Variants in DYRK2 observed in about 807,000 individuals in gnomAD.
DYRK2 encodes dual specificity tyrosine-phosphorylation-regulated kinase 2.
DYRK2 carries 12 observed loss-of-function variants against 41.6 expected under a neutral mutation model. The ratio of observed to expected loss-of-function variants is 0.29; its 90% CI spans 0.18 to 0.47. The LOEUF (loss-of-function observed/expected upper bound fraction) is 0.47. Among genes scored for constraint, DYRK2 ranks in the 20% least tolerant of loss-of-function variants. DYRK2 has a pLI of 1.00. For synonymous variants in DYRK2, 322 were observed against 315.7 expected (o/e 1.02, Z -0.21); for missense variants, 678 against 798.4 (o/e 0.85, Z 1.82).
chr12:67,655,566 G>A (rs570347624), intron 2 of DYRK2, among the ~76,000 whole-genome samples: 2 of 152,294 alleles, frequency 1.3e-5, no homozygotes, highest in Non-Finnish European at 2.9e-5. Flanking sequence ...TCATCTATGA[G>A]TGTGATAAAA....
intron 2 of DYRK2, 114 bp downstream of exon 2, chr12:67,650,059 G>A: frequency 1.8e-6 from 2 of 1,111,816 alleles, no homozygotes; most frequent in Admixed American, 4.3e-5. Context: ...GATACAAGCA[G>A]CCCCACGCCT....
Position 67,662,429 on chromosome 12 carries a change from T to G in DYRK2, c.*3716T>G, listed in dbSNP as rs971079556. The G allele has an allele frequency of 6.0e-6, 1 of 166,802 alleles. No individual in the cohort carries two copies. Among genetic ancestry groups the G allele is most frequent in the African/African-American group, 2.4e-5 (1 of 41,416 alleles). The allele number at this position is 166,802 out of a possible 1,614,324, so 10.3% of individuals were successfully genotyped here. On this transcript the variant is annotated 3_prime_UTR_variant, in exon 3 of 3. Coordinates refer to ENST00000344096, the MANE Select transcript of DYRK2 (RefSeq NM_006482.3). ...TGCAACTGTGTGTACTGAAAATATGTGAAAATGGTTGAATGTGGACTGTGT... is the reference window on the plus strand; with the variant it reads ...TGCAACTGTGTGTACTGAAAATATGGGAAAATGGTTGAATGTGGACTGTGT...
At chr12:67,650,368 GC>G (rs1872284624) in intron 2 of DYRK2, among the ~76,000 whole-genome samples, 1 of 152,210 alleles carries the variant, frequency 6.6e-6, no homozygotes, top group African/African-American at 2.4e-5. Context: ...AGACCGGCCT[GC>G]CCGGAAAATC....
chr12:67,649,174 A>C lies in DYRK2; in HGVS notation c.41A>C (p.Tyr14Ser), dbSNP rs767310972. ...RKPSAAAPAAYPTGRGGDSAV... is the reference protein window; with the variant it reads ...RKPSAAAPAASPTGRGGDSAV... ...CCTTCGGCCGCCGCTCCCGCCGCCTACCCGACCGGTAAGGAGGCCGTGCCG... is the reference window on the plus strand; with the variant it reads ...CCTTCGGCCGCCGCTCCCGCCGCCTCCCCGACCGGTAAGGAGGCCGTGCCG... The change falls in exon 1 of 3, where the codon TAC becomes TCC. Residue 14 changes from tyrosine to serine, a missense_variant. Tyr to Ser is a moderately radical substitution (Grantham distance 144). Coordinates refer to ENST00000344096, the MANE Select transcript of DYRK2 (RefSeq NM_006482.3). 1.3e-6 allele frequency: 2 copies of C among 1,510,330 alleles called. No individual in the cohort carries two copies. The highest frequency in any genetic ancestry group is 2.5e-5 in the South Asian group (2 of 81,526). 93.6% of individuals were successfully genotyped at this position (1,510,330 alleles called of 1,614,324 possible). A position where few individuals can be genotyped will look rare whatever the true frequency, so the allele number is the denominator to read the frequency against.
In DYRK2 at chr12:67,658,413, G is replaced by C; in HGVS notation, c.1506G>C (p.Gly502=). Residue 502 remains glycine (G), a synonymous_variant, in exon 3 of 3, where the codon GGG becomes GGC. Coordinates refer to ENST00000344096, the MANE Select transcript of DYRK2 (RefSeq NM_006482.3). The surrounding 1 kb of genome is among the most constrained non-coding windows in gnomAD (Gnocchi z 4.3). The part of the protein sequence containing the change: ...ESREWGNALK[G]CDDPLFLDFL... ...GAGAGTGGGGGAACGCGCTGAAGGG[G>C]TGTGATGATCCCCTTTTCCTTGACT... The C allele has an allele frequency of 1.9e-6, 3 of 1,595,436 alleles. No homozygotes were observed. The highest frequency in any genetic ancestry group is 2.3e-5 in the South Asian group (2 of 87,790).
At position 67,664,322 on chromosome 12, in the gene DYRK2, A is replaced by G. The variant is rs1228327326; in HGVS notation, c.*5609A>G. On this transcript the variant is annotated 3_prime_UTR_variant, in exon 3 of 3. Coordinates refer to ENST00000344096, the MANE Select transcript of DYRK2 (RefSeq NM_006482.3). The stretch of plus-strand genomic sequence containing the variant: ...CTCAAGGAAGCTTAATGAGGAAACT[A>G]ATGAGTTAATATTAACTCTTCTGAA... The G allele has an allele frequency of 6.6e-6, 1 of 152,106 alleles. No homozygotes were observed. The highest frequency in any genetic ancestry group is 1.5e-5 in the Non-Finnish European group (1 of 67,984). The allele number at this position is 152,106 out of a possible 1,614,324, so 9.4% of individuals were successfully genotyped here.
intron 2 of DYRK2, chr12:67,651,722 A>C: frequency 2.3e-6 from 1 of 433,872 alleles, no homozygotes; most frequent in Non-Finnish European, 4.6e-6. Context: ...AGCAGATTTC[A>C]TAGTACAGGA....
At chr12:67,652,986 T>C (rs1377746627) in intron 2 of DYRK2, among the ~76,000 whole-genome samples, 6 of 151,550 alleles carry the variant, frequency 4.0e-5, no homozygotes, top group African/African-American at 1.2e-4. Context: ...CCCGCCACCA[T>C]GCCTGGCTAA....
At chr12:67,656,733 G>T (rs569764052) in intron 2 of DYRK2, among the ~76,000 whole-genome samples, 1 of 152,164 alleles carries the variant, frequency 6.6e-6, no homozygotes, top group Non-Finnish European at 1.5e-5. Flanking sequence ...TGATCTGGGG[G>T]TGGAGGAGCC....
chr12:67,658,082 A>G lies in DYRK2; in HGVS notation c.1175A>G (p.Glu392Gly). Reference protein sequence around the residue: ...YIQSRFYRAPEVILGARYGMP... With the variant: ...YIQSRFYRAPGVILGARYGMP... ...CAGTCGCGTTTTTACCGGGCTCCAG[A>G]AGTGATCCTTGGGGCCAGGTATGGC... Residue 392 changes from glutamate (E) to glycine (G), a missense_variant, in exon 3 of 3, where the codon GAA becomes GGA. Coordinates refer to ENST00000344096, the MANE Select transcript of DYRK2 (RefSeq NM_006482.3). This position sits in a 1 kb window ranked among gnomAD's most constrained non-coding sequence, Gnocchi z 4.3. 1 of 1,614,234 alleles carries G rather than the reference A, an allele frequency of 6.2e-7. No individual in the cohort carries two copies.
rs909025168 is a variant in DYRK2 at position 67,663,833 on chromosome 12, A to G, written c.*5120A>G. 5 of 152,174 alleles carry G rather than the reference A, an allele frequency of 3.3e-5. No homozygotes were observed. The highest frequency in any genetic ancestry group is 7.2e-5 in the African/African-American group (3 of 41,452). 9.4% of individuals were successfully genotyped at this position (152,174 alleles called of 1,614,324 possible). On this transcript the variant is annotated 3_prime_UTR_variant, in exon 3 of 3. Coordinates refer to ENST00000344096, the MANE Select transcript of DYRK2 (RefSeq NM_006482.3). ...ATTCTGTTTGAGTCTCTACAGTCCTATCCCTTTTGGAATGAACAGCTACAC... is the reference window on the plus strand; with the variant it reads ...ATTCTGTTTGAGTCTCTACAGTCCTGTCCCTTTTGGAATGAACAGCTACAC...
At position 67,657,318 on chromosome 12, in the gene DYRK2, C is replaced by T. The variant is rs759901724; in HGVS notation, c.411C>T (p.Ser137=). The stretch of plus-strand genomic sequence containing the variant: ...GCATTCATAGACGGCAGGGGAGCTC[C>T]ACCTCTCTAAAGTCCATGGAAGGCA... The part of the protein sequence containing the change: ...LDSIHRRQGS[S]TSLKSMEGMG... The change falls in exon 3 of 3, where the codon TCC becomes TCT. Residue 137 remains serine, a synonymous_variant. Coordinates refer to ENST00000344096, the MANE Select transcript of DYRK2 (RefSeq NM_006482.3). The surrounding 1 kb of genome is among the most constrained non-coding windows in gnomAD (Gnocchi z 4.8). 35 of 1,613,862 alleles carry T rather than the reference C, an allele frequency of 2.2e-5. No homozygotes were observed. Among genetic ancestry groups the T allele is most frequent in the Non-Finnish European group, 3.0e-5 (35 of 1,179,914 alleles).
intron 2 of DYRK2, among the ~76,000 whole-genome samples, chr12:67,650,549 C>T (rs1279307888): frequency 6.6e-6 from 1 of 152,230 alleles, no homozygotes; most frequent in Non-Finnish European, 1.5e-5. Context: ...CAAGCCACCC[C>T]TGTAGGATTC....
chr12:67,649,765 C>G (rs984560045), intron 1 of DYRK2, 32 bp from the exon 2 acceptor site: 2 of 1,311,362 alleles, frequency 1.5e-6, no homozygotes. Context: ...CCCCCTGACC[C>G]TCTTTTGTCT....
intron 2 of DYRK2, among the ~76,000 whole-genome samples, chr12:67,653,126 G>A (rs1056355141): frequency 6.6e-6 from 1 of 152,124 alleles, no homozygotes; most frequent in Non-Finnish European, 1.5e-5. Context: ...CCCTGTGCCC[G>A]GCCTCAGTAT....
chr12:67,654,362 A>G (rs1395467542), intron 2 of DYRK2, among the ~76,000 whole-genome samples: 2 of 152,200 alleles, frequency 1.3e-5, no homozygotes, highest in Admixed American at 6.5e-5. Context: ...TGCATTAGCT[A>G]TGGAAATAGG....
At position 67,658,256 on chromosome 12, in the gene DYRK2, A is replaced by G. The variant is rs749243922; in HGVS notation, c.1349A>G (p.Lys450Arg). The G allele has an allele frequency of 8.7e-6, 14 of 1,614,078 alleles. No homozygotes were observed. Among genetic ancestry groups the G allele is most frequent in the African/African-American group, 1.3e-5 (1 of 74,934 alleles). ...TCACAGAAACTGCTGGATGCATCCA[A>G]ACGAGCCAAAAATTTTGTGAGCTCC... ...MPSQKLLDAS[K>R]RAKNFVSSKG... The change falls in exon 3 of 3, where the codon AAA becomes AGA. Residue 450 changes from lysine to arginine, a missense_variant. Coordinates refer to ENST00000344096, the MANE Select transcript of DYRK2 (RefSeq NM_006482.3). This position sits in a 1 kb window ranked among gnomAD's most constrained non-coding sequence, Gnocchi z 4.3.
Position 67,656,909 on chromosome 12 carries a change from C to T in DYRK2, c.199-197C>T, listed in dbSNP as rs145571468. On this transcript the variant is annotated intron_variant, in intron 2 of 2. Transcript: ENST00000344096. Reference sequence around the variant, plus strand: ...CTCCGTGGGGAACCCTGAATATGTACAGCAAACCATCTTGTCTGTTAGGCA... The same window carrying T: ...CTCCGTGGGGAACCCTGAATATGTATAGCAAACCATCTTGTCTGTTAGGCA... 6.6e-3 allele frequency among the ~76,000 whole-genome samples: 1,004 copies of T among 152,214 alleles called. 10 individuals carry two copies. Among genetic ancestry groups the T allele is most frequent in the South Asian group, 0.058 (277 of 4,810 alleles).
intron 2 of DYRK2, among the ~76,000 whole-genome samples, chr12:67,650,867 G>C (rs1418873535): frequency 6.6e-6 from 1 of 152,182 alleles, no homozygotes. Context: ...CTGTGTGAGG[G>C]AGGCTTGCTA....
Sources: allele counts gnomAD v4.1 joint callset (sites outside exome capture counted in the v4.1 genomes callset), GRCh38; gene constraint gnomAD v4.1.1; non-coding constraint Gnocchi (gnomAD v3.1); transcripts MANE v1.5; gene names NCBI Gene and HGNC (gene_info 2026-07-23, HGNC 2026-07-21).